Variants in AGBL1 observed in about 807,000 individuals in gnomAD.
AGBL1 encodes the protein AGBL carboxypeptidase 1.
A neutral mutation model predicts 118.9 loss-of-function variants in AGBL1; 130 were observed. The ratio of observed to expected loss-of-function variants is 1.09; its 90% CI spans 0.95 to 1.26. The LOEUF is 1.26. AGBL1 is among the 50% of genes most tolerant of loss of function. AGBL1 has a pLI of 0.00. For synonymous variants in AGBL1, 555 were observed against 478.9 expected (o/e 1.16, Z -2.08); for missense variants, 1,584 against 1,298.1 (o/e 1.22, Z -3.38).
chr15:86,920,321 G>A (rs1387295527), downstream of AGBL1, among the ~76,000 whole-genome samples: 2 of 152,128 alleles, frequency 1.3e-5, no homozygotes, highest in African/African-American at 2.4e-5. Flanking sequence ...CCAACAAAGT[G>A]GATTTAACCA....
chr15:86,775,562 G>A (rs372368953), intron 22 of AGBL1, among the ~76,000 whole-genome samples: 1 of 152,006 alleles, frequency 6.6e-6, no homozygotes, highest in African/African-American at 2.4e-5. Flanking sequence ...ACTCTCTGAA[G>A]AAGATCACTT....
At chr15:86,964,637 C>CT (rs201948740) in intron 23 of AGBL1, among the ~76,000 whole-genome samples, 7,555 of 143,728 alleles carry the variant, frequency 0.053, 229 homozygotes, top group Middle Eastern at 0.09. Flanking sequence ...AAATAGAAAT[C>CT]TTTTTTTTTT....
intron 18 of AGBL1, among the ~76,000 whole-genome samples, chr15:86,505,890 G>A (rs2082971030): frequency 6.6e-6 from 1 of 151,706 alleles, no homozygotes; most frequent in African/African-American, 2.4e-5. Context: ...AATACATAAT[G>A]TTGCAATTCT....
At chr15:86,945,702 T>G (rs1596660907) in intron 23 of AGBL1, among the ~76,000 whole-genome samples, 1 of 152,252 alleles carries the variant, frequency 6.6e-6, no homozygotes, top group Non-Finnish European at 1.5e-5. Context: ...CTGTTACAAC[T>G]TATTAAAATT....
At position 86,503,408 on chromosome 15, in the gene AGBL1, T is replaced by A. The variant is rs1394884091; in HGVS notation, c.2556-19402T>A. Among the ~76,000 whole-genome samples the A allele has an allele frequency of 2.6e-5, 4 of 151,390 alleles. No homozygotes were observed. In the East Asian group the frequency reaches 7.8e-4, roughly 29 times the overall value. ...TTTTAGTTCCTTGACTTTTCTATTGTTTTTCTATTCTGTATTTTATGTATT... is the reference window on the plus strand; with the variant it reads ...TTTTAGTTCCTTGACTTTTCTATTGATTTTCTATTCTGTATTTTATGTATT... On this transcript the variant is annotated intron_variant, in intron 18 of 22. Transcript: ENST00000614907.
rs746661367 is a variant in AGBL1 at position 86,251,156 on chromosome 15, C to T, written c.735+3277C>T. Among the ~76,000 whole-genome samples, 18 of 152,158 alleles carry T rather than the reference C, an allele frequency of 1.2e-4. 1 individual carries two copies. The highest frequency in any genetic ancestry group is 2.4e-4 in the Non-Finnish European group (16 of 68,024). On this transcript the variant is annotated intron_variant, in intron 7 of 22. Coordinates refer to ENST00000614907, the MANE Select transcript of AGBL1 (RefSeq NM_001386094.1). The stretch of plus-strand genomic sequence containing the variant: ...TTGAGGTAGGATCTATTATTATCTC[C>T]CTTTTTATAGATGAAGAAACTGAGG...
intron 22 of AGBL1, among the ~76,000 whole-genome samples, chr15:86,812,736 C>T (rs977133687): frequency 6.6e-6 from 1 of 152,162 alleles, no homozygotes; most frequent in Admixed American, 6.6e-5. Flanking sequence ...TGGAAATGCA[C>T]AGCATGCAGA....
At chr15:86,918,463 T>C (rs1596633763), downstream of AGBL1, among the ~76,000 whole-genome samples, 1 of 152,116 alleles carries the variant, frequency 6.6e-6, no homozygotes, top group African/African-American at 2.4e-5. Context: ...CACTTTCTTC[T>C]TCAAATTCAA....
At chr15:86,976,411 A>C (rs1221128445) in intron 23 of AGBL1, among the ~76,000 whole-genome samples, 1 of 151,884 alleles carries the variant, frequency 6.6e-6, no homozygotes, top group Non-Finnish European at 1.5e-5. Context: ...ATAGCATTGC[A>C]TTTGTTTGTT....
chr15:86,250,809 G>T (rs2078803719), intron 7 of AGBL1, among the ~76,000 whole-genome samples: 1 of 152,144 alleles, frequency 6.6e-6, no homozygotes, highest in Admixed American at 6.5e-5. Flanking sequence ...AGTTACAGCT[G>T]CCCATCACCC....
intron 1 of AGBL1, among the ~76,000 whole-genome samples, chr15:86,124,597 C>T (rs1898303052): frequency 6.6e-6 from 1 of 152,074 alleles, no homozygotes; most frequent in South Asian, 2.1e-4. Context: ...TCTTCTGTTT[C>T]CTTAAGGGAC....
intron 22 of AGBL1, among the ~76,000 whole-genome samples, chr15:86,878,367 C>A (rs1462780308): frequency 1.3e-5 from 2 of 152,124 alleles, no homozygotes; most frequent in African/African-American, 4.8e-5. Context: ...CAAAACAAAA[C>A]CTTTGTTTAC....
chr15:86,808,695 C>A (rs2078750627), intron 22 of AGBL1, among the ~76,000 whole-genome samples: 1 of 141,434 alleles, frequency 7.1e-6, no homozygotes, highest in Non-Finnish European at 1.5e-5. Flanking sequence ...TTTTTCCTTC[C>A]TCCTTCCTTC....
intron 24 of AGBL1, among the ~76,000 whole-genome samples, chr15:87,027,726 T>C (rs2081746941): frequency 6.6e-6 from 1 of 152,106 alleles, no homozygotes; most frequent in East Asian, 1.9e-4. Flanking sequence ...GATTATGTCA[T>C]TTGCAGAGAC....
intron 18 of AGBL1, among the ~76,000 whole-genome samples, chr15:86,450,575 CTACT>C (rs1482308342): frequency 6.6e-6 from 1 of 152,200 alleles, no homozygotes; most frequent in Non-Finnish European, 1.5e-5. Context: ...CGGAGAATGA[CTACT>C]TACTTACCCA....
intron 24 of AGBL1, among the ~76,000 whole-genome samples, chr15:87,004,410 T>A (rs2081475316): frequency 6.6e-6 from 1 of 152,170 alleles, no homozygotes; most frequent in Admixed American, 6.5e-5. Flanking sequence ...AGTTAGCTCT[T>A]CTTGTTGAAT....
chr15:86,332,733 A>C (rs1489991066), intron 17 of AGBL1, among the ~76,000 whole-genome samples: 3 of 151,910 alleles, frequency 2.0e-5, no homozygotes, highest in Non-Finnish European at 2.9e-5. Context: ...TACTCCACCC[A>C]TCAACTGCAG....
intron 18 of AGBL1, among the ~76,000 whole-genome samples, chr15:86,466,156 T>G (rs2142094144): frequency 6.6e-6 from 1 of 152,382 alleles, no homozygotes; most frequent in East Asian, 1.9e-4. Context: ...TTTGGTCTTT[T>G]CACATAATCC....
intron 3 of AGBL1, among the ~76,000 whole-genome samples, 186 bp from the exon 4 acceptor site, chr15:86,154,244 T>C (rs1157525126): frequency 6.6e-6 from 1 of 152,212 alleles, no homozygotes; most frequent in Non-Finnish European, 1.5e-5. Flanking sequence ...GTAGCCTGAA[T>C]TAGCTCTTTT....
Sources: gnomAD v4.1 joint callset for allele counts (sites outside exome capture counted in the v4.1 genomes callset) on GRCh38, gnomAD v4.1.1 for gene constraint, MANE v1.5 for transcripts, NCBI Gene and HGNC (gene_info 2026-07-23, HGNC 2026-07-21) for gene names.